CALN1: variants seen among roughly 807,000 people sequenced by gnomAD.
CALN1 encodes the protein calneuron 1.
CALN1 carries 17 observed loss-of-function variants against 30.6 expected under a neutral mutation model. The ratio of observed to expected loss-of-function variants is 0.56; its 90% confidence interval spans 0.38 to 0.83. The LOEUF (loss-of-function observed/expected upper bound fraction) is 0.83. Ranked by LOEUF, CALN1 falls within the 40% of genes least tolerant of loss-of-function variation. The pLI is 0.00. For missense variants in CALN1, 291 were observed against 354.9 expected, an observed-to-expected ratio of 0.82 and a Z score of 1.45; for synonymous variants, 156 against 131.4, an observed-to-expected ratio of 1.19 and a Z score of -1.28.
intron 4 of CALN1, 83 bp downstream of exon 4, chr7:72,106,068 G>T: frequency 6.6e-7 from 1 of 1,512,734 alleles, no homozygotes; most frequent in South Asian, 1.2e-5. Context: ...GGATTTAAAA[G>T]TGCAAGGCCC....
chr7:72,045,643 C>G (rs970347531), intron 4 of CALN1, among the ~76,000 whole-genome samples: 1 of 152,108 alleles, frequency 6.6e-6, no homozygotes, highest in Non-Finnish European at 1.5e-5. Context: ...ATTCTCCTGC[C>G]TCAGCCTCCT....
intron 3 of CALN1, among the ~76,000 whole-genome samples, chr7:72,135,036 G>A (rs763481852): frequency 6.6e-5 from 10 of 152,128 alleles, no homozygotes; most frequent in Non-Finnish European, 1.2e-4. Flanking sequence ...AAGCAACTCC[G>A]CATCCATTCA....
At chr7:72,389,947 G>C (rs1057098877) in intron 2 of CALN1, among the ~76,000 whole-genome samples, 4 of 148,286 alleles carry the variant, frequency 2.7e-5, no homozygotes, top group Non-Finnish European at 6.0e-5. Context: ...AAAGAAGAAA[G>C]AAAAGAAAAA....
chr7:72,363,275 G>A (rs548395935), intron 2 of CALN1, among the ~76,000 whole-genome samples: 3 of 152,262 alleles, frequency 2.0e-5, no homozygotes, highest in African/African-American at 7.2e-5. Context: ...GTCTCGCTCT[G>A]TTGCCTAGGC....
At chr7:72,263,158 T>C (rs1018052919) in intron 3 of CALN1, among the ~76,000 whole-genome samples, 1 of 152,200 alleles carries the variant, frequency 6.6e-6, no homozygotes, top group Non-Finnish European at 1.5e-5. Flanking sequence ...ACAATAACAA[T>C]AATTACTATT....
chr7:72,501,904 G>T, the CALN1 span, among the ~76,000 whole-genome samples: 2 of 46,276 alleles, frequency 4.3e-5, no homozygotes, highest in African/African-American at 1.7e-4. Context: ...GCGAGATTTC[G>T]TCTCAAAAAA....
chr7:71,820,703 G>T (rs1340296331), intron 5 of CALN1, among the ~76,000 whole-genome samples: 2 of 152,144 alleles, frequency 1.3e-5, no homozygotes, highest in Non-Finnish European at 2.9e-5. Context: ...ACAGAGCTTG[G>T]TTTTATCTGT....
intron 3 of CALN1, among the ~76,000 whole-genome samples, chr7:72,172,497 A>C (rs138662423): frequency 8.5e-5 from 13 of 152,348 alleles, no homozygotes; most frequent in African/African-American, 2.6e-4. Flanking sequence ...ACTCCAGACC[A>C]ATAACTCTAG....
intron 5 of CALN1, among the ~76,000 whole-genome samples, chr7:71,899,145 CTTT>C (rs35581465): frequency 3.0e-5 from 4 of 135,546 alleles, no homozygotes; most frequent in African/African-American, 2.8e-5. Context: ...GCAGAGACAT[CTTT>C]TTTTTTTTTT....
At chr7:72,255,304 G>C (rs1443784139) in intron 3 of CALN1, among the ~76,000 whole-genome samples, 2 of 151,962 alleles carry the variant, frequency 1.3e-5, no homozygotes, top group Admixed American at 6.6e-5. Context: ...CGTTAGCCAA[G>C]CTGGTCTCAA....
intron 2 of CALN1, among the ~76,000 whole-genome samples, chr7:72,298,565 G>C (rs1370584557): frequency 3.3e-5 from 5 of 152,140 alleles, no homozygotes; most frequent in Non-Finnish European, 7.4e-5. Context: ...ATCAAAAGCT[G>C]AGGTTTCTTG....
intron 5 of CALN1, among the ~76,000 whole-genome samples, chr7:71,918,503 T>C (rs2117040617): frequency 6.6e-6 from 1 of 152,294 alleles, no homozygotes; most frequent in East Asian, 1.9e-4. Flanking sequence ...GTAGACTGCT[T>C]TCCTACTGGG....
intron 1 of CALN1, among the ~76,000 whole-genome samples, chr7:72,404,195 C>G (rs1287358882): frequency 2.0e-5 from 3 of 152,210 alleles, no homozygotes; most frequent in African/African-American, 7.2e-5. Context: ...AGGCACCCCT[C>G]GTCTCTGCCT....
intron 3 of CALN1, among the ~76,000 whole-genome samples, chr7:72,251,923 A>T (rs183989202): frequency 1.3e-5 from 2 of 152,282 alleles, no homozygotes; most frequent in Admixed American, 1.3e-4. Flanking sequence ...CACATCTCAC[A>T]ATAGGAAGTT....
intron 3 of CALN1, among the ~76,000 whole-genome samples, chr7:72,259,060 G>A (rs1228111489): frequency 6.6e-6 from 1 of 151,184 alleles, no homozygotes; most frequent in East Asian, 1.9e-4. Flanking sequence ...CAGCCTGGGC[G>A]ACAGAGCGAG....
At chr7:72,202,778 C>G (rs1200205912) in intron 3 of CALN1, among the ~76,000 whole-genome samples, 4 of 152,114 alleles carry the variant, frequency 2.6e-5, no homozygotes, top group Non-Finnish European at 5.9e-5. Flanking sequence ...TTAGTTCCAC[C>G]ATTATAGAAG....
At chr7:71,992,772 G>A (rs568477085) in intron 5 of CALN1, among the ~76,000 whole-genome samples, 10 of 152,086 alleles carry the variant, frequency 6.6e-5, no homozygotes, top group East Asian at 3.9e-4. Flanking sequence ...TCATATTTTC[G>A]AGACCAGCCG....
chr7:71,899,483 A>T (rs1248834445), intron 5 of CALN1, among the ~76,000 whole-genome samples: 1 of 152,156 alleles, frequency 6.6e-6, no homozygotes, highest in African/African-American at 2.4e-5. Flanking sequence ...CTAACAAGAA[A>T]TTTATGGGAT....
chr7:71,834,339 G>A (rs1467403112), intron 5 of CALN1, among the ~76,000 whole-genome samples: 2 of 109,438 alleles, frequency 1.8e-5, no homozygotes, highest in Non-Finnish European at 3.5e-5. Context: ...AGGTAATTAC[G>A]ATCCACCCTA....
Sources: gnomAD v4.1 joint callset for allele counts (sites outside exome capture counted in the v4.1 genomes callset) on GRCh38, gnomAD v4.1.1 for gene constraint, MANE v1.5 for transcripts, NCBI Gene and HGNC (gene_info 2026-07-23, HGNC 2026-07-21) for gene names.